MS4A8: variants seen among roughly 807,000 people sequenced by gnomAD.
MS4A8 encodes the protein membrane spanning 4-domains A8.
A neutral mutation model predicts 23.7 loss-of-function variants in MS4A8; 27 were observed. That is an observed-to-expected ratio of 1.14 (90% confidence interval 0.84 to 1.57). MS4A8 has a LOEUF of 1.57. Ranked by LOEUF, MS4A8 falls within the 40% of genes most tolerant of loss-of-function variation. MS4A8 has a pLI of 0.00. For missense variants in MS4A8, 301 were observed against 311.4 expected (o/e 0.97, Z 0.25); for synonymous variants, 138 against 126.3 (o/e 1.09, Z -0.62).
At chr11:60,706,944 C>A (rs555665394) in intron 3 of MS4A8, 44 bp from the exon 4 acceptor site, 52 of 1,576,608 alleles carry the variant, frequency 3.3e-5, no homozygotes, top group Non-Finnish European at 4.4e-5. Flanking sequence ...GGAAGGGCAC[C>A]CTAGCCCCTG....
At chr11:60,704,108 T>C (rs1043855646) in intron 3 of MS4A8, among the ~76,000 whole-genome samples, 2 of 151,122 alleles carry the variant, frequency 1.3e-5, no homozygotes, top group Non-Finnish European at 2.9e-5. Flanking sequence ...GGATGTATTT[T>C]CTTTTTACTT....
intron 3 of MS4A8, 51 bp from the exon 4 acceptor site, chr11:60,706,937 A>T: frequency 6.6e-7 from 1 of 1,518,500 alleles, no homozygotes; most frequent in Admixed American, 1.7e-5. Context: ...AGCCTGGGGA[A>T]GGGCACCCTA....
chr11:60,707,553 C>G (rs376567795), intron 4 of MS4A8, among the ~76,000 whole-genome samples: 1 of 152,172 alleles, frequency 6.6e-6, no homozygotes, highest in South Asian at 2.1e-4. Flanking sequence ...AGCAACAGAC[C>G]AAGAAATACC....
intron 3 of MS4A8, among the ~76,000 whole-genome samples, chr11:60,706,230 A>T (rs1023995502): frequency 4.6e-5 from 7 of 152,218 alleles, no homozygotes; most frequent in Non-Finnish European, 1.0e-4. Context: ...GGTAGCTCCT[A>T]TTAAATATAG....
chr11:60,706,933 G>A, intron 3 of MS4A8, 55 bp from the exon 4 acceptor site: 2 of 1,505,024 alleles, frequency 1.3e-6, no homozygotes, highest in Non-Finnish European at 1.8e-6. Context: ...CAGAAGCCTG[G>A]GGAAGGGCAC....
intron 3 of MS4A8, among the ~76,000 whole-genome samples, chr11:60,705,339 G>C (rs1204891626): frequency 1.3e-5 from 2 of 152,256 alleles, no homozygotes; most frequent in African/African-American, 2.4e-5. Flanking sequence ...CCAAGTGCCA[G>C]TGAGCAGCAG....
At chr11:60,705,678 G>A (rs118180406) in intron 3 of MS4A8, among the ~76,000 whole-genome samples, 165 of 152,332 alleles carry the variant, frequency 1.1e-3, no homozygotes, top group Non-Finnish European at 1.8e-3. Flanking sequence ...CTTGGCCTTG[G>A]AAGGCAGAAA....
At chr11:60,708,527 A>G in intron 4 of MS4A8, 123 bp from the exon 5 acceptor site, 1 of 968,248 alleles carries the variant, frequency 1.0e-6, no homozygotes, top group South Asian at 2.4e-5. Flanking sequence ...GTTAAATTTT[A>G]TGTTACATAT....
intron 5 of MS4A8, among the ~76,000 whole-genome samples, chr11:60,714,280 C>T (rs987954930): frequency 2.6e-5 from 4 of 151,886 alleles, no homozygotes; most frequent in African/African-American, 7.3e-5. Flanking sequence ...AAAGCACACC[C>T]TGCACAACCC....
At chr11:60,706,834 T>C (rs1332961400) in intron 3 of MS4A8, among the ~76,000 whole-genome samples, 154 bp from the exon 4 acceptor site, 1 of 152,214 alleles carries the variant, frequency 6.6e-6, no homozygotes, top group Non-Finnish European at 1.5e-5. Context: ...CAGTGCCTTT[T>C]CAGGCAGTGC....
Position 60,706,987 on chromosome 11 carries a change from GT to G in MS4A8, c.345del (p.Phe115LeufsTer27). 6.2e-7 allele frequency: 1 copy of G among 1,614,058 alleles called. No homozygotes were observed. The highest frequency in any genetic ancestry group is 1.7e-5 in the Admixed American group (1 of 60,024). On this transcript the variant is annotated frameshift_variant and splice_region_variant, in exon 4 of 7. Transcript: ENST00000300226. LOFTEE classifies it high-confidence loss of function. ...GGFPFWGGLW[F>X]IISGSLSVAA... ...TCTAAACCCACTCTGTTCTGTACCA[GT>G]TTATCATTTCAGGATCTCTCTCCGT... is the stretch of plus-strand genomic sequence containing the variant.
intron 3 of MS4A8, among the ~76,000 whole-genome samples, chr11:60,704,026 G>T (rs926630499): frequency 1.3e-5 from 2 of 152,018 alleles, no homozygotes; most frequent in African/African-American, 4.8e-5. Context: ...TTTGGTGGGG[G>T]ATAGAGGGTG....
intron 5 of MS4A8, among the ~76,000 whole-genome samples, chr11:60,713,507 A>G (rs7118749): frequency 0.046 from 6,976 of 152,248 alleles, 505 homozygotes; most frequent in African/African-American, 0.16. Flanking sequence ...AAACATCTCA[A>G]TGCCTTAAGG....
intron 5 of MS4A8, among the ~76,000 whole-genome samples, chr11:60,713,199 TG>T: frequency 6.9e-6 from 1 of 144,238 alleles, no homozygotes; most frequent in East Asian, 2.0e-4. Flanking sequence ...AGGGGTGGGT[TG>T]CCCCTTCACA....
At chr11:60,714,272 A>T (rs764396983) in intron 5 of MS4A8, among the ~76,000 whole-genome samples, 7 of 151,928 alleles carry the variant, frequency 4.6e-5, no homozygotes, top group Non-Finnish European at 8.8e-5. Context: ...TGTTTAACAA[A>T]GCACACCCTG....
At chr11:60,711,024 G>A (rs142800808) in intron 5 of MS4A8, among the ~76,000 whole-genome samples, 6 of 152,104 alleles carry the variant, frequency 3.9e-5, no homozygotes, top group East Asian at 3.9e-4. Context: ...CCAGTAACCC[G>A]CTTCCCTTCC....
rs368598593 is a variant in MS4A8, at chr11:60,714,986, C to A, written c.535-35C>A. Reference sequence around the variant, plus strand: ...AGAGGTCAGTTCGGACTCCCAGTCCCGTGCTCCTGTCCTCCCCATCTGCTC... The same window carrying A: ...AGAGGTCAGTTCGGACTCCCAGTCCAGTGCTCCTGTCCTCCCCATCTGCTC... On this transcript the variant is annotated intron_variant, in intron 5 of 6. Transcript: ENST00000300226. 1.1e-5 allele frequency: 16 copies of A among 1,487,140 alleles called. No homozygotes were observed. In the African/African-American group the frequency reaches 1.8e-4, roughly 17 times the overall value. 92.1% of individuals were successfully genotyped at this position (1,487,140 alleles called of 1,614,324 possible).
chr11:60,701,193 A>T, intron 2 of MS4A8, 114 bp downstream of exon 2: 1 of 1,015,736 alleles, frequency 9.8e-7, no homozygotes, highest in Non-Finnish European at 1.5e-6. Context: ...GGCTGAGTTG[A>T]TCGCGCCTTG....
chr11:60,707,095 T>C, intron 4 of MS4A8, 48 bp downstream of exon 4: 1 of 1,547,146 alleles, frequency 6.5e-7, no homozygotes, highest in Non-Finnish European at 8.9e-7. Flanking sequence ...ACCTATAGAA[T>C]GGTGTCACAA....
Sources: gnomAD v4.1 joint callset for allele counts (sites outside exome capture counted in the v4.1 genomes callset) on GRCh38, gnomAD v4.1.1 for gene constraint, MANE v1.5 for transcripts, NCBI Gene and HGNC (gene_info 2026-07-23, HGNC 2026-07-21) for gene names.